HSD17B3: variants seen among roughly 807,000 people sequenced by gnomAD.
The protein encoded by HSD17B3 is hydroxysteroid 17-beta dehydrogenase 3.
Under a neutral mutation model 41.1 loss-of-function variants are expected in HSD17B3, and 29 were observed. The ratio of observed to expected loss-of-function variants is 0.71; its 90% CI spans 0.53 to 0.96. The LOEUF (loss-of-function observed/expected upper bound fraction) is 0.96, where lower values mean the gene tolerates loss of function less well. Ranked by LOEUF, HSD17B3 falls within the 40% of genes least tolerant of loss-of-function variation. HSD17B3 has a pLI of 0.00. For synonymous variants in HSD17B3, 126 were observed against 145.6 expected (o/e 0.87, Z 0.97); for missense variants, 323 against 374.6 (o/e 0.86, Z 1.14).
At chr9:96,261,630 G>A (rs149543125) in intron 2 of HSD17B3, among the ~76,000 whole-genome samples, 201 of 152,308 alleles carry the variant, frequency 1.3e-3, no homozygotes, top group Admixed American at 1.9e-3. Flanking sequence ...AGCAGTGAGC[G>A]GCACCTCCAC....
At chr9:96,237,329 C>G (rs1836273590) in intron 10 of HSD17B3, among the ~76,000 whole-genome samples, 1 of 152,192 alleles carries the variant, frequency 6.6e-6, no homozygotes, top group South Asian at 2.1e-4. Context: ...GGCTGTGGCC[C>G]CAGACAAAAG....
intron 9 of HSD17B3, among the ~76,000 whole-genome samples, chr9:96,244,110 G>C (rs370790490): frequency 2.6e-5 from 4 of 152,290 alleles, no homozygotes; most frequent in African/African-American, 9.6e-5. Flanking sequence ...CCAGGGCACG[G>C]GGGAGGGCAA....
At chr9:96,281,357 C>T (rs73654882) in intron 2 of HSD17B3, among the ~76,000 whole-genome samples, 2,259 of 152,048 alleles carry the variant, frequency 0.015, 48 homozygotes, top group African/African-American at 0.049. Context: ...GTAAGTGGGG[C>T]GCATTTACCC....
At chr9:96,270,963 G>GC (rs1055514475) in intron 2 of HSD17B3, among the ~76,000 whole-genome samples, 1 of 143,774 alleles carries the variant, frequency 7.0e-6, no homozygotes, top group Non-Finnish European at 1.5e-5. Flanking sequence ...CGGGGGGGGG[G>GC]GTTAAGATTG....
intron 8 of HSD17B3, 21 bp downstream of exon 8, chr9:96,245,324 G>A (rs1201207371): frequency 3.8e-6 from 6 of 1,568,000 alleles, no homozygotes; most frequent in African/African-American, 2.7e-5. Context: ...GAAGAGACTT[G>A]GAAGTCATGA....
chr9:96,271,720 A>G (rs947140833), intron 2 of HSD17B3, among the ~76,000 whole-genome samples: 5 of 152,240 alleles, frequency 3.3e-5, no homozygotes, highest in Non-Finnish European at 7.3e-5. Context: ...GTCTCTAGAC[A>G]TTATTGGGTT....
intron 4 of HSD17B3, among the ~76,000 whole-genome samples, chr9:96,252,576 G>A (rs1434963378): frequency 6.6e-6 from 1 of 151,368 alleles, no homozygotes; most frequent in African/African-American, 2.4e-5. Context: ...AAATATAGTT[G>A]GGGGTTGAAA....
chr9:96,238,867 C>G (rs1836326180), intron 10 of HSD17B3, among the ~76,000 whole-genome samples: 1 of 152,134 alleles, frequency 6.6e-6, no homozygotes. Context: ...GGGCCATGGC[C>G]CCCACTCCTC....
rs1467729799 is a variant in HSD17B3, at chr9:96,240,684, C to G, written c.822+74G>C. ...TGAGTGCTCCAGCAGCAAGGAAGAG[C>G]TAGCCCAGCCCTGCCAGGGCCACCT... is the stretch of plus-strand genomic sequence containing the variant. On this transcript the variant is annotated intron_variant, in intron 10 of 10. Coordinates refer to ENST00000375263, the MANE Select transcript of HSD17B3 (RefSeq NM_000197.2). 3.4e-6 allele frequency: 5 copies of G among 1,462,650 alleles called. No individual in the cohort carries two copies. The African/African-American group carries it at 6.9e-5, about 20-fold the overall frequency. The allele number at this position is 1,462,650 out of a possible 1,614,324, so 90.6% of individuals were successfully genotyped here. A position where few individuals can be genotyped will look rare whatever the true frequency, so the allele number is the denominator to read the frequency against.
chr9:96,235,546 C>T lies in HSD17B3; in HGVS notation c.847G>A (p.Ala283Thr), dbSNP rs767332332. Residue 283 changes from alanine (A) to threonine (T), a missense_variant, in exon 11 of 11, where the codon GCC becomes ACC. Coordinates refer to ENST00000375263, the MANE Select transcript of HSD17B3 (RefSeq NM_000197.2). The stretch of plus-strand genomic sequence containing the variant: ...AAGGCACCGCTGTAGAAGGCCCAGG[C>T]CGGGATCAGGCTCAGAAAGCCCGCC... ...ILAGFLSLIPAWAFYSGAFQR... is the reference protein window; with the variant it reads ...ILAGFLSLIPTWAFYSGAFQR... 6 of 1,613,944 alleles carry T rather than the reference C, an allele frequency of 3.7e-6. No individual in the cohort carries two copies. Among genetic ancestry groups the T allele is most frequent in the Non-Finnish European group, 5.1e-6 (6 of 1,180,016 alleles).
At chr9:96,301,451 G>A (rs8190489) in intron 1 of HSD17B3, among the ~76,000 whole-genome samples, 4,935 of 150,276 alleles carry the variant, frequency 0.033, 201 homozygotes, top group African/African-American at 0.081. Context: ...GGTGGCTCAC[G>A]CCTGTAATCT....
At chr9:96,262,499 C>T (rs1192743523) in intron 2 of HSD17B3, among the ~76,000 whole-genome samples, 3 of 152,016 alleles carry the variant, frequency 2.0e-5, no homozygotes, top group Admixed American at 1.3e-4. Context: ...CCTCCTCAGC[C>T]TCCCAAAGTG....
chr9:96,246,753 C>T, intron 6 of HSD17B3, 163 bp from the exon 7 acceptor site: 1 of 711,510 alleles, frequency 1.4e-6, no homozygotes, highest in Non-Finnish European at 2.5e-6. Context: ...ACTCTGGCCA[C>T]ATTAGAGTCT....
rs989145953 is a variant in HSD17B3 at position 96,251,901 on chromosome 9, A to C, written c.386-416T>G. Reference sequence around the variant, plus strand: ...TTTTATTAGCCTGTCTATTCTTTCCAATTTTTCTGCAATGATATGCTGTAC... The same window carrying C: ...TTTTATTAGCCTGTCTATTCTTTCCCATTTTTCTGCAATGATATGCTGTAC... On this transcript the variant is annotated intron_variant, in intron 4 of 10. Transcript: ENST00000375263. Among the ~76,000 whole-genome samples the C allele has an allele frequency of 1.4e-4, 21 of 152,172 alleles. 2 individuals are homozygous for C. The highest frequency in any genetic ancestry group is 1.5e-5 in the Non-Finnish European group (1 of 68,024).
intron 2 of HSD17B3, among the ~76,000 whole-genome samples, chr9:96,281,761 C>T (rs1033024230): frequency 6.6e-6 from 1 of 152,174 alleles, no homozygotes; most frequent in African/African-American, 2.4e-5. Flanking sequence ...AGGAAAAGAT[C>T]CCTTCACTAC....
chr9:96,235,418 G>C lies in HSD17B3; in HGVS notation c.*42C>G. On this transcript the variant is annotated 3_prime_UTR_variant, in exon 11 of 11. Transcript: ENST00000375263. Reference sequence around the variant, plus strand: ...CTCTGGTCCTCTTCAGCCAGCATGGGACTGGTGAGGAAAAGGTTGTGCTGG... The same window carrying C: ...CTCTGGTCCTCTTCAGCCAGCATGGCACTGGTGAGGAAAAGGTTGTGCTGG... 7.4e-7 allele frequency: 1 copy of C among 1,354,882 alleles called. No individual in the cohort carries two copies. The allele number at this position is 1,354,882 out of a possible 1,614,324, so 83.9% of individuals were successfully genotyped here. A position where few individuals can be genotyped will look rare whatever the true frequency, so the allele number is the denominator to read the frequency against.
chr9:96,237,097 C>T (rs1007437277), intron 10 of HSD17B3, among the ~76,000 whole-genome samples: 10 of 152,234 alleles, frequency 6.6e-5, no homozygotes, highest in African/African-American at 2.4e-4. Context: ...TCAAGAACTT[C>T]ATTTTTCTCT....
intron 2 of HSD17B3, among the ~76,000 whole-genome samples, chr9:96,297,881 A>G (rs939198162): frequency 3.3e-5 from 5 of 152,180 alleles, no homozygotes; most frequent in African/African-American, 9.7e-5. Flanking sequence ...TTATCAATCT[A>G]TCTATCTACA....
chr9:96,254,478 C>T (rs897187105), intron 3 of HSD17B3, among the ~76,000 whole-genome samples: 31 of 152,216 alleles, frequency 2.0e-4, no homozygotes, highest in African/African-American at 7.2e-4. Context: ...AGCAAACAAA[C>T]ATTGCTGTGA....
Sources: gnomAD v4.1 joint callset for allele counts (sites outside exome capture counted in the v4.1 genomes callset) on GRCh38, gnomAD v4.1.1 for gene constraint, MANE v1.5 for transcripts, NCBI Gene and HGNC (gene_info 2026-07-23, HGNC 2026-07-21) for gene names.